FAT2: variants seen among roughly 807,000 people sequenced by gnomAD.
The protein encoded by FAT2 is protocadherin Fat 2.
Under a neutral mutation model 295.3 loss-of-function variants are expected in FAT2, and 150 were observed. The ratio of observed to expected loss-of-function variants is 0.51; its 90% CI spans 0.44 to 0.58. FAT2 has a LOEUF of 0.58. FAT2 is among the 20% of genes least tolerant of loss of function. The probability of loss-of-function intolerance (pLI) is 0.00; values close to 1 mark genes in which losing one functional copy is unlikely to be tolerated. For synonymous variants in FAT2, 2,026 were observed against 2,150.3 expected, an observed-to-expected ratio of 0.94 and a Z score of 1.60; for missense variants, 4,868 against 5,442.7, an observed-to-expected ratio of 0.89 and a Z score of 3.32.
Position 151,529,342 on chromosome 5 carries a change from A to T in FAT2, c.9862T>A (p.Phe3288Ile), listed in dbSNP as rs377706717. 1.2e-5 allele frequency: 20 copies of T among 1,613,994 alleles called. No homozygotes were observed. The highest frequency in any genetic ancestry group is 1.7e-5 in the Non-Finnish European group (20 of 1,180,030). The change falls in exon 15 of 24, where the codon TTC becomes ATC. Residue 3288 changes from phenylalanine to isoleucine, a missense_variant. Coordinates refer to ENST00000261800, the MANE Select transcript of FAT2 (RefSeq NM_001447.3). The part of the protein sequence containing the change: ...SLDFETSPKY[F>I]LSIECSRKSS... ...TTCCGGCTGCACTCAATGGACAGGA[A>T]GTACTTGGGGCTTGTCTCAAAGTCC...
chr5:151,567,507 G>C lies in FAT2; in HGVS notation c.1425C>G (p.Thr475=). The change falls in exon 2 of 24, where the codon ACC becomes ACG. Residue 475 remains threonine, a synonymous_variant. Transcript: ENST00000261800. ...CAGTGGCAGTCACAGCCAAAACACT[G>C]GTGCCTGGAGGGATGTTCTCATCCA... ...GTLDENIPPG[T]SVLAVTATDR... 6.2e-7 allele frequency: 1 copy of C among 1,614,156 alleles called. No homozygotes were observed. Among genetic ancestry groups the C allele is most frequent in the Non-Finnish European group, 8.5e-7 (1 of 1,180,020 alleles).
Position 151,542,934 on chromosome 5 carries a change from T to G in FAT2, c.8193A>C (p.Thr2731=). The G allele has an allele frequency of 6.2e-7, 1 of 1,614,216 alleles. No individual in the cohort carries two copies. The highest frequency in any genetic ancestry group is 8.5e-7 in the Non-Finnish European group (1 of 1,180,032). Residue 2731 remains threonine, a synonymous_variant, in exon 10 of 24, where the codon ACA becomes ACC. Coordinates refer to ENST00000261800, the MANE Select transcript of FAT2 (RefSeq NM_001447.3). ...PVIYSLVRGT[T]PESNKDGVFS... Reference sequence around the variant, plus strand: ...AGACACCATCCTTGTTGCTCTCAGGTGTAGTGCCCCGCACTAGACTGTAGA... The same window carrying G: ...AGACACCATCCTTGTTGCTCTCAGGGGTAGTGCCCCGCACTAGACTGTAGA...
chr5:151,544,817 C>A lies in FAT2; in HGVS notation c.6310G>T (p.Ala2104Ser), dbSNP rs950369700. Residue 2104 changes from alanine (A) to serine (S), a missense_variant, in exon 10 of 24, where the codon GCT becomes TCT. By Grantham distance (99) the Ala-to-Ser change is moderately conservative. This residue lies in a region of FAT2 where 3,297 missense variants were observed against 3,669.4 expected (regional missense o/e 0.90). Coordinates refer to ENST00000261800, the MANE Select transcript of FAT2 (RefSeq NM_001447.3). ...TCTTCTGCAAATTCATATGTAACAGCCCCATTTGTCCCCAAGTCCTCATCA... is the reference window on the plus strand; with the variant it reads ...TCTTCTGCAAATTCATATGTAACAGACCCATTTGTCCCCAAGTCCTCATCA... ...ATDEDLGTNGAVTYEFAEDYT... is the reference protein window; with the variant it reads ...ATDEDLGTNGSVTYEFAEDYT... The A allele has an allele frequency of 6.2e-7, 1 of 1,614,148 alleles. No homozygotes were observed. Among genetic ancestry groups the A allele is most frequent in the Non-Finnish European group, 8.5e-7 (1 of 1,180,014 alleles).
chr5:151,548,900 T>C (rs995737320), intron 9 of FAT2, among the ~76,000 whole-genome samples: 1 of 152,204 alleles, frequency 6.6e-6, no homozygotes, highest in African/African-American at 2.4e-5. Flanking sequence ...ACTAAATCAC[T>C]GTGGAGCCTT....
At chr5:151,590,067 T>C (rs1248796770) in intron 1 of FAT2, among the ~76,000 whole-genome samples, 1 of 152,238 alleles carries the variant, frequency 6.6e-6, no homozygotes, top group Non-Finnish European at 1.5e-5. Context: ...CCACACTGCC[T>C]GGATTTGAAA....
intron 1 of FAT2, among the ~76,000 whole-genome samples, chr5:151,572,796 C>T (rs916950829): frequency 6.6e-6 from 1 of 152,244 alleles, no homozygotes; most frequent in Non-Finnish European, 1.5e-5. Flanking sequence ...AAGGTCCAGC[C>T]TGTGCCCCAA....
At chr5:151,508,375 C>G (rs576556399) in intron 22 of FAT2, among the ~76,000 whole-genome samples, 2 of 152,298 alleles carry the variant, frequency 1.3e-5, no homozygotes, top group African/African-American at 4.8e-5. Flanking sequence ...ATAGCATTCC[C>G]GACTGCAAAG....
rs1223178459 is a variant in FAT2, at chr5:151,566,734, G to C, written c.2198C>G (p.Pro733Arg). The change falls in exon 2 of 24, where the codon CCC (proline) becomes CGC (arginine). Residue 733 changes from proline to arginine, a missense_variant. Physicochemically the swap from Pro to Arg is moderately radical, Grantham distance 103 (BLOSUM62 -2). Coordinates refer to ENST00000261800, the MANE Select transcript of FAT2 (RefSeq NM_001447.3). ...GTCAGTGGCTGCTAGGCGGGCCAAG[G>C]GGGTGTTGATAGGGACACTCTCAAG... ...DVLESVPINT[P>R]LARLAATDPD... The C allele has an allele frequency of 1.2e-6, 2 of 1,614,182 alleles. No homozygotes were observed. Among genetic ancestry groups the C allele is most frequent in the Non-Finnish European group, 1.7e-6 (2 of 1,180,034 alleles).
chr5:151,545,127 G>A lies in FAT2; in HGVS notation c.6000C>T (p.Thr2000=), dbSNP rs372931277. The A allele has an allele frequency of 1.8e-5, 29 of 1,614,014 alleles. No individual in the cohort carries two copies. The highest frequency in any genetic ancestry group is 3.3e-4 in the Middle Eastern group (2 of 6,084). The change falls in exon 10 of 24, where the codon ACC becomes ACT. Residue 2000 remains threonine, a synonymous_variant. Transcript: ENST00000261800. ...TGCCATTCAAGAGAAAGTAGGAAAGGGTGTCATTCAAATGATTGCCCTGGG... is the reference window on the plus strand; with the variant it reads ...TGCCATTCAAGAGAAAGTAGGAAAGAGTGTCATTCAAATGATTGCCCTGGG... ...LGAQGNHLND[T]LSYFLLNGTD...
intron 13 of FAT2, among the ~76,000 whole-genome samples, chr5:151,532,524 G>A (rs1481968560): frequency 1.3e-5 from 2 of 152,144 alleles, no homozygotes; most frequent in Non-Finnish European, 2.9e-5. Flanking sequence ...TTATCCTACT[G>A]CTATGTAAGA....
Position 151,565,771 on chromosome 5 carries a change from A to G in FAT2, c.3161T>C (p.Val1054Ala). The G allele has an allele frequency of 6.2e-7, 1 of 1,612,204 alleles. No homozygotes were observed. The highest frequency in any genetic ancestry group is 8.5e-7 in the Non-Finnish European group (1 of 1,179,104). The part of the protein sequence containing the change: ...NSPSGTQVIV[V>A]AAQDDDSGLD... ...GCCACTGTCATCGTCCTGGGCAGCC[A>G]CTACAATCACCTGAGTTCCCGAGGG... is the stretch of plus-strand genomic sequence containing the variant. The change falls in exon 2 of 24, where the codon GTG becomes GCG. Residue 1054 changes from valine to alanine, a missense_variant. Transcript: ENST00000261800.
chr5:151,563,785 A>G, intron 2 of FAT2, 146 bp from the exon 3 acceptor site: 1 of 648,582 alleles, frequency 1.5e-6, no homozygotes, highest in East Asian at 2.8e-5. Flanking sequence ...TGCTTCTACC[A>G]GTATAATGTG....
At chr5:151,522,571 G>A (rs374640107) in intron 18 of FAT2, among the ~76,000 whole-genome samples, 2 of 152,204 alleles carry the variant, frequency 1.3e-5, no homozygotes, top group Non-Finnish European at 2.9e-5. Flanking sequence ...GTCAGTCAAC[G>A]AAGTCTTCTG....
chr5:151,568,127 C>A lies in FAT2; in HGVS notation c.805G>T (p.Gly269Cys). 1.9e-6 allele frequency: 3 copies of A among 1,614,166 alleles called. No individual in the cohort carries two copies. Among genetic ancestry groups the A allele is most frequent in the Non-Finnish European group, 2.5e-6 (3 of 1,180,022 alleles). ...ACCAGTACAGTGGCATAGGTGGTAC[C>A]ATCATTGCTGTCTGGTGGAGTCACC... ...VVVTPPDSND[G>C]TTYATVLVDA... The change falls in exon 2 of 24, where the codon GGT becomes TGT. Residue 269 changes from glycine to cysteine, a missense_variant. Coordinates refer to ENST00000261800, the MANE Select transcript of FAT2 (RefSeq NM_001447.3).
chr5:151,539,041 C>T (rs1755820080), intron 11 of FAT2, among the ~76,000 whole-genome samples: 1 of 152,000 alleles, frequency 6.6e-6, no homozygotes, highest in Non-Finnish European at 1.5e-5. Context: ...TGAACCATCT[C>T]CGGGAGGGCC....
rs753416446 is a variant in FAT2, at chr5:151,550,680, G to A, written c.4488C>T (p.Leu1496=). The A allele has an allele frequency of 1.2e-6, 2 of 1,614,100 alleles. No individual in the cohort carries two copies. The highest frequency in any genetic ancestry group is 1.7e-6 in the Non-Finnish European group (2 of 1,180,040). The change falls in exon 8 of 24, where the codon CTC becomes CTT. Residue 1496 remains leucine (L), a synonymous_variant. Coordinates refer to ENST00000261800, the MANE Select transcript of FAT2 (RefSeq NM_001447.3). ...HGSQDPGSAS[L]FQLDPSSGVL... ...CACCACTGCTTGGGTCCAGCTGGAA[G>A]AGGCTGGCACTTCCTGGGTCTTGGC... is the stretch of plus-strand genomic sequence containing the variant.
Position 151,512,542 on chromosome 5 carries a change from G to T in FAT2, c.11528C>A (p.Ser3843Tyr), listed in dbSNP as rs1449873111. 1 of 1,614,158 alleles carries T rather than the reference G, an allele frequency of 6.2e-7. No individual in the cohort carries two copies. The highest frequency in any genetic ancestry group is 1.1e-5 in the South Asian group (1 of 91,072). The change falls in exon 21 of 24, where the codon TCC becomes TAC. Residue 3843 changes from serine (S) to tyrosine (Y), a missense_variant. Ser to Tyr is a moderately radical substitution (Grantham distance 144, BLOSUM62 -2). Around this residue, in one of 5 missense-constraint regions of FAT2, gnomAD observed 1,046 missense variants for 1,210.1 expected, o/e 0.86. Coordinates refer to ENST00000261800, the MANE Select transcript of FAT2 (RefSeq NM_001447.3). This position sits in a 1 kb window ranked among gnomAD's most constrained non-coding sequence, Gnocchi z 4.1. ...CTCGTGGTCATTCACATGGCGCTGGGAGGAAAGGTTTCCATAGAAACCACC... is the reference window on the plus strand; with the variant it reads ...CTCGTGGTCATTCACATGGCGCTGGTAGGAAAGGTTTCCATAGAAACCACC... The part of the protein sequence containing the change: ...CLGGFYGNLS[S>Y]QRHVNDHEWH...
chr5:151,522,626 T>C (rs6894519), intron 18 of FAT2, among the ~76,000 whole-genome samples: 63,609 of 152,066 alleles, frequency 0.42, 14,355 homozygotes, highest in East Asian at 0.79. Context: ...ACCAAATAAC[T>C]TGGATAAAAT....
In FAT2 at chr5:151,567,442, A is replaced by G. The variant is rs747603484; in HGVS notation, c.1490T>C (p.Ile497Thr). 3.7e-6 allele frequency: 6 copies of G among 1,614,216 alleles called. No individual in the cohort carries two copies. The East Asian group carries it at 8.9e-5, about 24-fold the overall frequency. The part of the protein sequence containing the change: ...HGENGYVTYS[I>T]AGPKALPFSI... ...AAATGGCAAAGCTTTTGGTCCAGCAATGGAATAGGTGACATATCCATTTTC... is the reference window on the plus strand; with the variant it reads ...AAATGGCAAAGCTTTTGGTCCAGCAGTGGAATAGGTGACATATCCATTTTC... The change falls in exon 2 of 24, where the codon ATT (isoleucine) becomes ACT (threonine). Residue 497 changes from isoleucine to threonine, a missense_variant. By Grantham distance (89) the Ile-to-Thr change is moderately conservative (BLOSUM62 -1). This residue lies in a region of FAT2 where 3,297 missense variants were observed against 3,669.4 expected (regional missense o/e 0.90). Coordinates refer to ENST00000261800, the MANE Select transcript of FAT2 (RefSeq NM_001447.3).
Sources: gnomAD v4.1 joint callset for allele counts (sites outside exome capture counted in the v4.1 genomes callset) on GRCh38, gnomAD v4.1.1 for gene constraint, gnomAD v4.1.1 regional missense constraint, Gnocchi (gnomAD v3.1) non-coding constraint, MANE v1.5 for transcripts, NCBI Gene and HGNC (gene_info 2026-07-23, HGNC 2026-07-21) for gene names.